CEP63: variants seen among roughly 807,000 people sequenced by gnomAD.
The protein encoded by CEP63 is centrosomal protein of 63 kDa.
A neutral mutation model predicts 89.1 loss-of-function variants in CEP63; 84 were observed. That is an observed-to-expected ratio of 0.94 (90% confidence interval 0.79 to 1.13). The LOEUF (loss-of-function observed/expected upper bound fraction) is 1.13. Ranked by LOEUF, CEP63 falls within the 50% of genes most tolerant of loss-of-function variation. The pLI is 0.00. For missense variants in CEP63, 838 were observed against 813.3 expected (o/e 1.03, Z -0.37); for synonymous variants, 267 against 272.5 (o/e 0.98, Z 0.20).
chr3:134,651,107 T>C, the CEP63 span: 1 of 1,511,420 alleles, frequency 6.6e-7, no homozygotes, highest in Non-Finnish European at 8.8e-7. Context: ...CGCAGGGCGC[T>C]GCTTTTCGCT....
the CEP63 span, among the ~76,000 whole-genome samples, chr3:134,700,996 T>C: frequency 1.4e-5 from 2 of 147,168 alleles, no homozygotes; most frequent in African/African-American, 2.5e-5. Flanking sequence ...TCCTCCATTG[T>C]TTTTCTCCCT....
At chr3:134,770,481 A>G in the CEP63 span, among the ~76,000 whole-genome samples, 1 of 152,286 alleles carries the variant, frequency 6.6e-6, no homozygotes, top group South Asian at 2.1e-4. Flanking sequence ...TTACAATTCT[A>G]TTTCTGTTTT....
the CEP63 span, among the ~76,000 whole-genome samples, chr3:134,661,809 C>CA: frequency 2.0e-5 from 3 of 148,912 alleles, no homozygotes; most frequent in Admixed American, 2.0e-4. Context: ...ATATTTGTGC[C>CA]CCCCCCCTCA....
At chr3:134,703,631 A>C in the CEP63 span, among the ~76,000 whole-genome samples, 1 of 152,012 alleles carries the variant, frequency 6.6e-6, no homozygotes, top group African/African-American at 2.4e-5. Flanking sequence ...CTGTTAAAAG[A>C]TCAGGGGTGG....
At chr3:134,612,394 A>G in the CEP63 span, among the ~76,000 whole-genome samples, 13 of 152,140 alleles carry the variant, frequency 8.5e-5, no homozygotes, top group Admixed American at 5.9e-4. Flanking sequence ...CAGCCTGCAT[A>G]CCTGGAGTGC....
chr3:134,538,474 GT>G (rs200279728), intron 6 of CEP63, among the ~76,000 whole-genome samples: 1 of 138,122 alleles, frequency 7.2e-6, no homozygotes, highest in East Asian at 2.3e-4. Context: ...GTCTGGACCA[GT>G]TTTTTTGACT....
chr3:134,528,318 G>A (rs554567706), intron 3 of CEP63, among the ~76,000 whole-genome samples: 2 of 152,072 alleles, frequency 1.3e-5, no homozygotes, highest in Non-Finnish European at 2.9e-5. Flanking sequence ...TCCTGGCTGT[G>A]TCTAGTCAGC....
At chr3:134,710,658 C>T in the CEP63 span, among the ~76,000 whole-genome samples, 1 of 152,050 alleles carries the variant, frequency 6.6e-6, no homozygotes, top group Non-Finnish European at 1.5e-5. Context: ...CTAAATTACA[C>T]AATCGTACTT....
chr3:134,755,099 A>AG, the CEP63 span, among the ~76,000 whole-genome samples: 4 of 152,190 alleles, frequency 2.6e-5, no homozygotes, highest in Non-Finnish European at 5.9e-5. Context: ...CTGACTTCAG[A>AG]GGAAGGGTGC....
At chr3:134,651,099 C>T in the CEP63 span, 2 of 1,521,396 alleles carry the variant, frequency 1.3e-6, no homozygotes, top group South Asian at 1.2e-5. Flanking sequence ...GCTGGAGCCG[C>T]AGGGCGCTGC....
At chr3:134,519,312 T>C (rs1008196325) in intron 3 of CEP63, among the ~76,000 whole-genome samples, 4 of 151,658 alleles carry the variant, frequency 2.6e-5, no homozygotes, top group Admixed American at 2.6e-4. Flanking sequence ...TTTTTTTTCT[T>C]AAGTAGAAAT....
At chr3:134,578,340 T>TGTTTG, downstream of CEP63, among the ~76,000 whole-genome samples, 3 of 146,462 alleles carry the variant, frequency 2.0e-5, no homozygotes, top group Admixed American at 6.7e-5. Flanking sequence ...TTTTTTTTTT[T>TGTTTG]TTTTTTTGAG....
At chr3:134,743,399 AG>A in the CEP63 span, among the ~76,000 whole-genome samples, 1 of 152,188 alleles carries the variant, frequency 6.6e-6, no homozygotes, top group East Asian at 1.9e-4. Context: ...AGAGTAGAAA[AG>A]GCAGGCTGGG....
intron 2 of CEP63, 45 bp downstream of exon 2, chr3:134,495,409 A>C (rs1559861430): frequency 8.2e-7 from 1 of 1,223,792 alleles, no homozygotes; most frequent in African/African-American, 1.5e-5. Context: ...TTAATACATG[A>C]TTACATATTT....
chr3:134,499,137 G>A (rs1310576103), intron 2 of CEP63, among the ~76,000 whole-genome samples: 1 of 152,180 alleles, frequency 6.6e-6, no homozygotes, highest in Non-Finnish European at 1.5e-5. Context: ...GAAGTTGGTA[G>A]AATTCAGCAG....
the CEP63 span, among the ~76,000 whole-genome samples, chr3:134,701,326 A>ATATATACG: frequency 3.8e-5 from 1 of 26,636 alleles, no homozygotes; most frequent in African/African-American, 1.5e-4. Context: ...GTATATATAC[A>ATATATACG]TATACACACA....
intron 3 of CEP63, among the ~76,000 whole-genome samples, chr3:134,518,872 G>GA (rs1267375570): frequency 6.6e-6 from 1 of 151,740 alleles, no homozygotes; most frequent in African/African-American, 2.4e-5. Flanking sequence ...TATTCTCTTC[G>GA]AAAAAAATTA....
chr3:134,532,955 A>G (rs113034475), intron 5 of CEP63, 55 bp downstream of exon 5: 24 of 1,595,688 alleles, frequency 1.5e-5, no homozygotes, highest in African/African-American at 1.5e-4. Flanking sequence ...ACGTAGGAAA[A>G]TGCGGTTTCT....
In CEP63 at chr3:134,563,320, T is replaced by C. The variant is rs1449052923; in HGVS notation, c.*1785T>C. On this transcript the variant is annotated 3_prime_UTR_variant, in exon 15 of 15. Coordinates refer to ENST00000675561, the MANE Select transcript of CEP63 (RefSeq NM_001353108.3). Reference sequence around the variant, plus strand: ...CTGATTCTGGCAGTAGCCTCCTAACTGATAGTACTCACACCAGTAATTCAG... The same window carrying C: ...CTGATTCTGGCAGTAGCCTCCTAACCGATAGTACTCACACCAGTAATTCAG... 1.3e-5 allele frequency: 2 copies of C among 152,176 alleles called. No individual in the cohort carries two copies. Among genetic ancestry groups the C allele is most frequent in the Non-Finnish European group, 2.9e-5 (2 of 68,078 alleles). 9.4% of individuals were successfully genotyped at this position (152,176 alleles called of 1,614,324 possible).
Sources: allele counts gnomAD v4.1 joint callset (sites outside exome capture counted in the v4.1 genomes callset), GRCh38; gene constraint gnomAD v4.1.1; transcripts MANE v1.5; gene names NCBI Gene and HGNC (gene_info 2026-07-23, HGNC 2026-07-21).